The following RIMS1 variants were observed in gnomAD, a reference collection of about 807,000 sequenced individuals.
RIMS1 encodes regulating synaptic membrane exocytosis 1, also known as regulating synaptic membrane exocytosis protein 1.
RIMS1 carries 83 observed loss-of-function variants against 214.1 expected under a neutral mutation model. That is an observed-to-expected ratio of 0.39 (90% CI 0.32 to 0.47). RIMS1 has a LOEUF of 0.47. RIMS1 is among the 20% of genes least tolerant of loss of function. The pLI is 0.99. For synonymous variants in RIMS1, 793 were observed against 786.8 expected, an observed-to-expected ratio of 1.01 and a Z score of -0.13; for missense variants, 2,050 against 2,161.8, an observed-to-expected ratio of 0.95 and a Z score of 1.03.
At chr6:72,187,127 A>G (rs2049244710) in intron 6 of RIMS1, among the ~76,000 whole-genome samples, 5 of 152,086 alleles carry the variant, frequency 3.3e-5, no homozygotes, top group Admixed American at 3.3e-4. Flanking sequence ...CCCCGTCAAG[A>G]AGGAAAGAGA....
In RIMS1 at chr6:72,006,686, C is replaced by A. The variant is rs148667016; in HGVS notation, c.245+37623C>A. ...CACACCAGGATATTATATCCCGTGCCTGGCTCGGAGGGTCCTATGCCCATG... is the reference window on the plus strand; with the variant it reads ...CACACCAGGATATTATATCCCGTGCATGGCTCGGAGGGTCCTATGCCCATG... On this transcript the variant is annotated intron_variant, in intron 2 of 33. Transcript: ENST00000521978. Among the ~76,000 whole-genome samples, 503 of 152,344 alleles carry A rather than the reference C, an allele frequency of 3.3e-3. 2 individuals are homozygous for A. The highest frequency in any genetic ancestry group is 0.011 in the African/African-American group (473 of 41,586).
At chr6:71,974,706 A>G (rs1434057551) in intron 2 of RIMS1, among the ~76,000 whole-genome samples, 1 of 152,204 alleles carries the variant, frequency 6.6e-6, no homozygotes, top group Non-Finnish European at 1.5e-5. Flanking sequence ...TTAAATGGAT[A>G]TGATAAAATC....
At chr6:72,276,489 G>T (rs1254391427) in intron 23 of RIMS1, among the ~76,000 whole-genome samples, 1 of 151,970 alleles carries the variant, frequency 6.6e-6, no homozygotes, top group Non-Finnish European at 1.5e-5. Flanking sequence ...TGTCTCGATA[G>T]TATATGTAAC....
chr6:72,169,667 G>C (rs2046754181), intron 4 of RIMS1, among the ~76,000 whole-genome samples: 1 of 152,142 alleles, frequency 6.6e-6, no homozygotes, highest in African/African-American at 2.4e-5. Context: ...ACTTTCGGAG[G>C]CTAAGGCGGG....
At chr6:71,958,123 T>A (rs1473510941) in intron 1 of RIMS1, among the ~76,000 whole-genome samples, 1 of 152,140 alleles carries the variant, frequency 6.6e-6, no homozygotes, top group Non-Finnish European at 1.5e-5. Flanking sequence ...GCTTAATAAA[T>A]CTAAGTTATT....
At chr6:72,067,065 A>G (rs552562825) in intron 2 of RIMS1, among the ~76,000 whole-genome samples, 2 of 152,128 alleles carry the variant, frequency 1.3e-5, no homozygotes, top group African/African-American at 4.8e-5. Context: ...CATCTTCTTC[A>G]CCAGAGCAAT....
chr6:72,162,222 T>C (rs1426337766), intron 4 of RIMS1, among the ~76,000 whole-genome samples: 2 of 140,656 alleles, frequency 1.4e-5, no homozygotes, highest in African/African-American at 4.9e-5. Flanking sequence ...CTGCCTTTTT[T>C]TGTTTTCCAT....
At chr6:72,183,457 T>C (rs2048637023) in intron 6 of RIMS1, among the ~76,000 whole-genome samples, 1 of 152,138 alleles carries the variant, frequency 6.6e-6, no homozygotes. Context: ...AGTGGATTTA[T>C]TATTCTGTGA....
intron 1 of RIMS1, among the ~76,000 whole-genome samples, chr6:71,963,810 T>C (rs964391): frequency 1.3e-5 from 2 of 151,954 alleles, no homozygotes; most frequent in Non-Finnish European, 2.9e-5. Context: ...TTACCTAGAA[T>C]CTGTTTTAAA....
Position 72,291,992 on chromosome 6 carries a change from C to T in RIMS1, c.3796C>T (p.Arg1266Cys). Residue 1266 changes from arginine (R) to cysteine (C), a missense_variant, in exon 26 of 34, where the codon CGC becomes TGC. Coordinates refer to ENST00000521978, the MANE Select transcript of RIMS1 (RefSeq NM_014989.7). ...TCCAGCAGACACATCGTTCAGCAGT[C>T]GCAGGGGAAGACAGCTCCCACAAGT... ...SPPADTSFSS[R>C]RGRQLPQVPV... 3.2e-6 allele frequency: 5 copies of T among 1,564,370 alleles called. No individual in the cohort carries two copies. Among genetic ancestry groups the T allele is most frequent in the South Asian group, 1.2e-5 (1 of 84,578 alleles).
At chr6:72,395,854 A>T (rs550247739) in intron 31 of RIMS1, among the ~76,000 whole-genome samples, 63 of 152,126 alleles carry the variant, frequency 4.1e-4, no homozygotes, top group African/African-American at 1.5e-3. Context: ...ATTATCACAC[A>T]TACCTCAAAA....
intron 24 of RIMS1, among the ~76,000 whole-genome samples, chr6:72,286,216 C>T (rs1260438603): frequency 6.6e-6 from 1 of 151,550 alleles, no homozygotes; most frequent in Non-Finnish European, 1.5e-5. Context: ...AAAAAAATTG[C>T]TAGTTGAGTG....
At position 71,975,751 on chromosome 6, in the gene RIMS1, A is replaced by G. The variant is rs144583215; in HGVS notation, c.245+6688A>G. On this transcript the variant is annotated intron_variant, in intron 2 of 33. Transcript: ENST00000521978. Reference sequence around the variant, plus strand: ...TACCCCATTCTCCTCAAAATACAGCATCTGAAACCATTACTTTCTATATTT... The same window carrying G: ...TACCCCATTCTCCTCAAAATACAGCGTCTGAAACCATTACTTTCTATATTT... Among the ~76,000 whole-genome samples, 215 of 152,238 alleles carry G rather than the reference A, an allele frequency of 1.4e-3. 2 individuals are homozygous for G. Among genetic ancestry groups the G allele is most frequent in the East Asian group, 5.0e-3 (26 of 5,186 alleles).
At chr6:71,945,650 C>G (rs1787567391) in intron 1 of RIMS1, among the ~76,000 whole-genome samples, 1 of 152,052 alleles carries the variant, frequency 6.6e-6, no homozygotes, top group African/African-American at 2.4e-5. Flanking sequence ...CAACATAATA[C>G]TGGATGCCCT....
chr6:72,181,123 C>T (rs1340723041), intron 5 of RIMS1, among the ~76,000 whole-genome samples: 2 of 152,154 alleles, frequency 1.3e-5, no homozygotes, highest in Non-Finnish European at 2.9e-5. Flanking sequence ...ACACACTATT[C>T]TAGGGAAGAC....
intron 4 of RIMS1, among the ~76,000 whole-genome samples, chr6:72,165,178 A>G (rs1336550716): frequency 6.6e-6 from 1 of 152,102 alleles, no homozygotes; most frequent in Non-Finnish European, 1.5e-5. Flanking sequence ...ACTTAAGGCT[A>G]TGTATTTTAT....
chr6:72,217,980 C>A (rs181070158), intron 6 of RIMS1, among the ~76,000 whole-genome samples: 1 of 152,052 alleles, frequency 6.6e-6, no homozygotes, highest in Non-Finnish European at 1.5e-5. Context: ...GTAGGAATGG[C>A]AAAACATTTT....
At chr6:72,171,825 C>G (rs1366799838) in intron 4 of RIMS1, among the ~76,000 whole-genome samples, 2 of 152,126 alleles carry the variant, frequency 1.3e-5, no homozygotes, top group African/African-American at 4.8e-5. Context: ...AGTTCCCTAA[C>G]TCTTGTTATA....
chr6:72,049,679 T>C (rs1824069418), intron 2 of RIMS1, among the ~76,000 whole-genome samples: 1 of 152,186 alleles, frequency 6.6e-6, no homozygotes, highest in Non-Finnish European at 1.5e-5. Context: ...AATTTTTGCT[T>C]TGTAGACATA....
Sources: gnomAD v4.1 joint callset for allele counts (sites outside exome capture counted in the v4.1 genomes callset) on GRCh38, gnomAD v4.1.1 for gene constraint, MANE v1.5 for transcripts, NCBI Gene and HGNC (gene_info 2026-07-23, HGNC 2026-07-21) for gene names.